BANK1: variants seen among roughly 807,000 people sequenced by gnomAD.
BANK1 encodes B cell scaffold protein with ankyrin repeats 1, also known as B-cell scaffold protein with ankyrin repeats.
In BANK1, 95 loss-of-function variants were observed where a neutral mutation model predicts 94.5. That is an observed-to-expected ratio of 1.00 (90% CI 0.85 to 1.19). BANK1 has a LOEUF of 1.19. BANK1 is among the 50% of genes most tolerant of loss of function. The probability of loss-of-function intolerance (pLI) is 0.00; values close to 1 mark genes in which losing one functional copy is unlikely to be tolerated. For synonymous variants in BANK1, 334 were observed against 308.4 expected (o/e 1.08, Z -0.87); for missense variants, 987 against 932.2 (o/e 1.06, Z -0.77).
chr4:101,995,693 C>T (rs1392611163), intron 7 of BANK1, among the ~76,000 whole-genome samples: 1 of 152,138 alleles, frequency 6.6e-6, no homozygotes, highest in African/African-American at 2.4e-5. Flanking sequence ...CTCTAATGAC[C>T]AGTGATGATG....
chr4:102,010,040 G>A (rs1726435611), intron 7 of BANK1, among the ~76,000 whole-genome samples: 1 of 152,168 alleles, frequency 6.6e-6, no homozygotes, highest in African/African-American at 2.4e-5. Flanking sequence ...GCTAAGGTGG[G>A]CAGATCACGA....
rs144195407 is a variant in BANK1 at position 101,814,472 on chromosome 4, G to A, written c.71-15336G>A. Among the ~76,000 whole-genome samples, 28 of 152,256 alleles carry A rather than the reference G, an allele frequency of 1.8e-4. No individual in the cohort carries two copies. In the East Asian group the frequency reaches 4.4e-3, roughly 24 times the overall value. The stretch of plus-strand genomic sequence containing the variant: ...ATGCCAACAGAGTTTTCTTTTTCTC[G>A]GAACTAGGAAAGCAAAATTAGATTT... On this transcript the variant is annotated intron_variant, in intron 1 of 16. Coordinates refer to ENST00000322953, the MANE Select transcript of BANK1 (RefSeq NM_017935.5).
At chr4:101,975,438 T>C (rs571670690) in intron 7 of BANK1, among the ~76,000 whole-genome samples, 1 of 152,282 alleles carries the variant, frequency 6.6e-6, no homozygotes, top group South Asian at 2.1e-4. Flanking sequence ...TACAGTTCAT[T>C]AGAGAGATTG....
intron 11 of BANK1, among the ~76,000 whole-genome samples, chr4:102,059,785 CA>C (rs1728350873): frequency 6.6e-6 from 1 of 152,094 alleles, no homozygotes; most frequent in Admixed American, 6.6e-5. Context: ...TCTCCTTTCC[CA>C]AAGATAGAAA....
intron 13 of BANK1, among the ~76,000 whole-genome samples, chr4:102,070,346 C>T (rs531669353): frequency 2.0e-5 from 3 of 152,220 alleles, no homozygotes; most frequent in Admixed American, 2.0e-4. Context: ...AGTGAGCATG[C>T]GCAGTGTGTT....
chr4:101,904,213 GT>G (rs1335920849), intron 6 of BANK1, among the ~76,000 whole-genome samples: 1 of 152,178 alleles, frequency 6.6e-6, no homozygotes, highest in Non-Finnish European at 1.5e-5. Context: ...CTAAAGGCCA[GT>G]TTTTTGGAAT....
rs547716363 is a variant in BANK1 at position 102,063,590 on chromosome 4, G to A, written c.2212+452G>A. ...TGTAATCCCAGCACTTTGGGAGGCC[G>A]AGGCGGATGGATCACTTGAGGATAG... is the stretch of plus-strand genomic sequence containing the variant. On this transcript the variant is annotated intron_variant, in intron 13 of 16. Coordinates refer to ENST00000322953, the MANE Select transcript of BANK1 (RefSeq NM_017935.5). Among the ~76,000 whole-genome samples the A allele has an allele frequency of 7.2e-5, 11 of 151,886 alleles. No individual in the cohort carries two copies. The East Asian group carries it at 1.7e-3, about 24-fold the overall frequency.
intron 6 of BANK1, among the ~76,000 whole-genome samples, chr4:101,911,457 C>G (rs1228511043): frequency 6.6e-6 from 1 of 152,014 alleles, no homozygotes. Context: ...ATATGATTTC[C>G]TACATATCAG....
intron 7 of BANK1, among the ~76,000 whole-genome samples, chr4:101,941,210 G>A (rs1322378270): frequency 6.6e-6 from 1 of 151,586 alleles, no homozygotes; most frequent in African/African-American, 2.4e-5. Context: ...TCTGTGTGTG[G>A]TGGGGCGGGG....
Position 102,025,316 on chromosome 4 carries a change from G to A in BANK1, c.1401G>A (p.Glu467=). ...GEGKQNGSGM[E]TKHSPLEVGS... The stretch of plus-strand genomic sequence containing the variant: ...GAAAACAGAATGGATCAGGCATGGA[G>A]ACCAAACACAGCCCACTAGAGGTTG... Residue 467 remains glutamate, a synonymous_variant, in exon 9 of 17, where the codon GAG becomes GAA. Coordinates refer to ENST00000322953, the MANE Select transcript of BANK1 (RefSeq NM_017935.5). 1 of 1,614,136 alleles carries A rather than the reference G, an allele frequency of 6.2e-7. No individual in the cohort carries two copies. The highest frequency in any genetic ancestry group is 8.5e-7 in the Non-Finnish European group (1 of 1,180,010).
At chr4:101,960,348 T>C (rs1247980495) in intron 7 of BANK1, among the ~76,000 whole-genome samples, 1 of 152,090 alleles carries the variant, frequency 6.6e-6, no homozygotes, top group African/African-American at 2.4e-5. Context: ...TAAAAATTGA[T>C]AACGTAAGAT....
chr4:101,813,879 A>G (rs766531895), intron 1 of BANK1: 2 of 985,442 alleles, frequency 2.0e-6, no homozygotes, highest in African/African-American at 1.7e-5. Flanking sequence ...GTGGGGGACT[A>G]CTTGCTTGCT....
At chr4:102,010,119 G>T (rs1471527851) in intron 7 of BANK1, among the ~76,000 whole-genome samples, 1 of 151,560 alleles carries the variant, frequency 6.6e-6, no homozygotes, top group Non-Finnish European at 1.5e-5. Flanking sequence ...CAAAAAATTA[G>T]CCAGGTGTGG....
At chr4:102,056,514 G>T (rs1391160461) in intron 11 of BANK1, among the ~76,000 whole-genome samples, 2 of 151,838 alleles carry the variant, frequency 1.3e-5, no homozygotes, top group Non-Finnish European at 2.9e-5. Context: ...AGAGAAAAGA[G>T]CAGGAACTAT....
At chr4:101,971,530 G>C (rs768985186) in intron 7 of BANK1, among the ~76,000 whole-genome samples, 1 of 152,082 alleles carries the variant, frequency 6.6e-6, no homozygotes, top group Non-Finnish European at 1.5e-5. Context: ...GTCTATTTAT[G>C]CTTATGTTGC....
chr4:101,841,850 C>T (rs1282777298), intron 2 of BANK1, among the ~76,000 whole-genome samples: 1 of 145,082 alleles, frequency 6.9e-6, no homozygotes, highest in Non-Finnish European at 1.5e-5. Flanking sequence ...TGTTCAATTC[C>T]CACCTATGAG....
chr4:101,888,733 T>C (rs567528367), intron 5 of BANK1, among the ~76,000 whole-genome samples: 24 of 152,232 alleles, frequency 1.6e-4, no homozygotes, highest in Non-Finnish European at 2.9e-4. Flanking sequence ...ATAGCTTATA[T>C]AGAGCCTGGC....
chr4:101,936,504 G>GATGTATAC (rs1294020488), intron 7 of BANK1, among the ~76,000 whole-genome samples: 4 of 149,854 alleles, frequency 2.7e-5, no homozygotes, highest in African/African-American at 7.3e-5. Context: ...ATATGTATAA[G>GATGTATAC]ATGTATACAT....
intron 7 of BANK1, among the ~76,000 whole-genome samples, chr4:102,020,806 T>C (rs1035161152): frequency 6.6e-6 from 1 of 152,152 alleles, no homozygotes; most frequent in South Asian, 2.1e-4. Flanking sequence ...TGAAATCCAG[T>C]CAATCTCCAT....
Sources: allele counts gnomAD v4.1 joint callset (sites outside exome capture counted in the v4.1 genomes callset), GRCh38; gene constraint gnomAD v4.1.1; transcripts MANE v1.5; gene names NCBI Gene and HGNC (gene_info 2026-07-23, HGNC 2026-07-21).